The following MECOM variants were observed in gnomAD, a reference collection of about 807,000 sequenced individuals.
MECOM encodes the protein MDS1 and EVI1 complex locus.
In MECOM, 13 loss-of-function variants were observed where a neutral mutation model predicts 116.3. That is an observed-to-expected ratio of 0.11 (90% CI 0.07 to 0.18). The LOEUF is 0.18. Among genes scored for constraint, MECOM ranks in the 10% least tolerant of loss-of-function variants. The pLI, the probability that MECOM is intolerant of heterozygous loss-of-function variation, is 1.00. For synonymous variants in MECOM, 528 were observed against 535.2 expected (o/e 0.99, Z 0.19); for missense variants, 1,299 against 1,509.0 (o/e 0.86, Z 2.31).
Position 169,084,501 on chromosome 3 carries a change from T to C in MECOM, c.*408A>G. 4.2e-6 allele frequency: 1 copy of C among 238,746 alleles called. No homozygotes were observed. The highest frequency in any genetic ancestry group is 8.2e-6 in the Non-Finnish European group (1 of 121,892). 14.8% of individuals were successfully genotyped at this position (238,746 alleles called of 1,614,324 possible). On this transcript the variant is annotated 3_prime_UTR_variant, in exon 17 of 17. Coordinates refer to ENST00000651503, the MANE Select transcript of MECOM (RefSeq NM_004991.4). ...TTAAAAGCAACTGTTCCCAATCATG[T>C]CAGGTGATCTTGTACAAAAGAGAAT... is the stretch of plus-strand genomic sequence containing the variant.
At chr3:169,594,930 G>A (rs946743203) in intron 1 of MECOM, among the ~76,000 whole-genome samples, 4 of 151,420 alleles carry the variant, frequency 2.6e-5, no homozygotes, top group Admixed American at 6.6e-5. Context: ...AATTAATGGG[G>A]GAGGGAGGGC....
chr3:169,153,892 A>T (rs1484277786), intron 2 of MECOM, among the ~76,000 whole-genome samples: 3 of 152,196 alleles, frequency 2.0e-5, no homozygotes, highest in Non-Finnish European at 4.4e-5. Flanking sequence ...TGTTTGTGTA[A>T]CGGGTTACAG....
intron 1 of MECOM, among the ~76,000 whole-genome samples, chr3:169,484,790 AT>A (rs11330858): frequency 0.48 from 73,043 of 151,910 alleles, 17,668 homozygotes; most frequent in South Asian, 0.6. Context: ...GAAATTGCTC[AT>A]CAACACTACA....
chr3:169,441,401 T>C (rs765647479), intron 1 of MECOM, among the ~76,000 whole-genome samples: 1 of 152,210 alleles, frequency 6.6e-6, no homozygotes, highest in Non-Finnish European at 1.5e-5. Context: ...TAAAACTCTG[T>C]ACCAGTACAA....
At chr3:169,166,210 C>T (rs1743569891) in intron 2 of MECOM, among the ~76,000 whole-genome samples, 1 of 152,126 alleles carries the variant, frequency 6.6e-6, no homozygotes, top group Non-Finnish European at 1.5e-5. Flanking sequence ...ATGCCAATGG[C>T]TTTCTATTTA....
chr3:169,483,733 T>C, intron 1 of MECOM: 1 of 1,591,880 alleles, frequency 6.3e-7, no homozygotes, highest in East Asian at 2.2e-5. Context: ...AATTCGTAAC[T>C]CTCTTTGCTG....
At chr3:169,223,664 T>C (rs1023351448) in intron 2 of MECOM, among the ~76,000 whole-genome samples, 1 of 152,186 alleles carries the variant, frequency 6.6e-6, no homozygotes, top group Non-Finnish European at 1.5e-5. Flanking sequence ...GTCCTAGTTC[T>C]ACTTTAATGT....
intron 1 of MECOM, among the ~76,000 whole-genome samples, chr3:169,645,714 T>A (rs978810646): frequency 1.3e-5 from 2 of 152,190 alleles, no homozygotes; most frequent in Non-Finnish European, 2.9e-5. Flanking sequence ...GACAACCCTA[T>A]GCCTGTAAAA....
chr3:169,484,475 C>T (rs1290463358), intron 1 of MECOM, among the ~76,000 whole-genome samples: 3 of 152,098 alleles, frequency 2.0e-5, no homozygotes, highest in Non-Finnish European at 4.4e-5. Flanking sequence ...TATTCTTTTC[C>T]ATTTAAAAAG....
At chr3:169,628,049 A>C (rs1266198367) in intron 1 of MECOM, among the ~76,000 whole-genome samples, 3 of 152,132 alleles carry the variant, frequency 2.0e-5, no homozygotes, top group East Asian at 1.9e-4. Flanking sequence ...CATACCAAAG[A>C]GCACCCCCAG....
chr3:169,103,932 T>C (rs535955669), intron 10 of MECOM, among the ~76,000 whole-genome samples: 4 of 152,304 alleles, frequency 2.6e-5, no homozygotes, highest in South Asian at 4.1e-4. Flanking sequence ...GGACTCCTAA[T>C]GTTAGCTACA....
Position 169,425,173 on chromosome 3 carries a change from T to C in MECOM, c.38-43649A>G, listed in dbSNP as rs190478637. Among the ~76,000 whole-genome samples the C allele has an allele frequency of 1.7e-4, 26 of 150,174 alleles. 1 individual carries two copies. The highest frequency in any genetic ancestry group is 6.2e-4 in the African/African-American group (25 of 40,620). On this transcript the variant is annotated intron_variant, in intron 1 of 16. Transcript: ENST00000651503. ...AATTTATAAGCTTACAGAATAAAAATCTAATTCTCCTGTCTCAGAGGACCT... is the reference window on the plus strand; with the variant it reads ...AATTTATAAGCTTACAGAATAAAAACCTAATTCTCCTGTCTCAGAGGACCT...
intron 2 of MECOM, among the ~76,000 whole-genome samples, chr3:169,337,307 A>G (rs1266726399): frequency 6.6e-6 from 1 of 152,178 alleles, no homozygotes; most frequent in Non-Finnish European, 1.5e-5. Flanking sequence ...GGACATTTCT[A>G]CATTCATACA....
intron 1 of MECOM, among the ~76,000 whole-genome samples, chr3:169,469,145 A>G (rs915467794): frequency 1.3e-4 from 20 of 152,306 alleles, no homozygotes; most frequent in African/African-American, 4.8e-4. Flanking sequence ...ACTGAACTCA[A>G]TCTGGAGCCT....
At chr3:169,369,342 C>CTTTTTTTTTTTT (rs10661629) in intron 2 of MECOM, among the ~76,000 whole-genome samples, 4 of 86,972 alleles carry the variant, frequency 4.6e-5, no homozygotes, top group Non-Finnish European at 8.2e-5. Flanking sequence ...TGATTGCAGC[C>CTTTTTTTTTTTT]TTTTTTTTTT....
At chr3:169,249,935 A>G (rs1227851148) in intron 2 of MECOM, among the ~76,000 whole-genome samples, 1 of 152,220 alleles carries the variant, frequency 6.6e-6, no homozygotes, top group Non-Finnish European at 1.5e-5. Flanking sequence ...TTTTAAATAC[A>G]AGGAAACGTT....
At chr3:169,334,266 A>AT (rs1723230421) in intron 2 of MECOM, among the ~76,000 whole-genome samples, 1 of 152,178 alleles carries the variant, frequency 6.6e-6, no homozygotes, top group African/African-American at 2.4e-5. Context: ...TCAAAAGGAA[A>AT]TTGTACAGAA....
At chr3:169,552,025 A>C (rs1458283552) in intron 1 of MECOM, among the ~76,000 whole-genome samples, 2 of 151,856 alleles carry the variant, frequency 1.3e-5, no homozygotes, top group African/African-American at 4.8e-5. Context: ...GACAGAAAGT[A>C]GATTAGGGAG....
intron 1 of MECOM, among the ~76,000 whole-genome samples, chr3:169,521,342 G>A (rs550423563): frequency 4.8e-4 from 73 of 152,164 alleles, no homozygotes; most frequent in South Asian, 8.3e-4. Context: ...TGTCCTTTAA[G>A]AAGTGATTGG....
Sources: gnomAD v4.1 joint callset for allele counts (sites outside exome capture counted in the v4.1 genomes callset) on GRCh38, gnomAD v4.1.1 for gene constraint, MANE v1.5 for transcripts, NCBI Gene and HGNC (gene_info 2026-07-23, HGNC 2026-07-21) for gene names.